GRM5: variants seen among roughly 807,000 people sequenced by gnomAD.
The protein encoded by GRM5 is metabotropic glutamate receptor 5.
A neutral mutation model predicts 83.1 loss-of-function variants in GRM5; 19 were observed. That is an observed-to-expected ratio of 0.23 (90% CI 0.16 to 0.34). GRM5 has a LOEUF of 0.34. Among genes scored for constraint, GRM5 ranks in the 10% least tolerant of loss-of-function variants. The probability of loss-of-function intolerance (pLI) is 1.00; values close to 1 mark genes in which losing one functional copy is unlikely to be tolerated. For missense variants in GRM5, 1,160 were observed against 1,588.3 expected, an observed-to-expected ratio of 0.73 and a Z score of 4.58; for synonymous variants, 675 against 633.6, an observed-to-expected ratio of 1.07 and a Z score of -0.98.
At chr11:88,850,984 C>T (rs1361730432) in intron 2 of GRM5, among the ~76,000 whole-genome samples, 1 of 152,022 alleles carries the variant, frequency 6.6e-6, no homozygotes, top group Non-Finnish European at 1.5e-5. Flanking sequence ...CTATTATGGG[C>T]TCCATTCAAT....
intron 9 of GRM5, among the ~76,000 whole-genome samples, chr11:88,513,741 A>AAAAAG (rs200002888): frequency 0.014 from 2,136 of 152,172 alleles, 42 homozygotes; most frequent in African/African-American, 0.048. Context: ...TTTATTGGAA[A>AAAAAG]AAAAGAAAAG....
At chr11:88,786,670 C>G (rs1012728573) in intron 3 of GRM5, among the ~76,000 whole-genome samples, 1 of 152,160 alleles carries the variant, frequency 6.6e-6, no homozygotes, top group Non-Finnish European at 1.5e-5. Flanking sequence ...ATCATCTTCT[C>G]ATTAAGGACA....
At chr11:88,812,518 T>G (rs957243259) in intron 3 of GRM5, among the ~76,000 whole-genome samples, 8 of 152,202 alleles carry the variant, frequency 5.3e-5, no homozygotes, top group Non-Finnish European at 8.8e-5. Flanking sequence ...ACTTAATTTT[T>G]TTCTAATGCA....
At position 89,060,263 on chromosome 11, in the gene GRM5, A is replaced by G. The variant is rs1941961712; in HGVS notation, c.-201+5513T>C. On this transcript the variant is annotated intron_variant, in intron 1 of 9. Coordinates refer to ENST00000305447, the MANE Select transcript of GRM5 (RefSeq NM_001143831.3). ...TTTTTGCCTTTTACATATATGGTAAATGGTATATATATATATATATATACA... is the reference window on the plus strand; with the variant it reads ...TTTTTGCCTTTTACATATATGGTAAGTGGTATATATATATATATATATACA... Among the ~76,000 whole-genome samples the G allele has an allele frequency of 5.5e-5, 6 of 109,010 alleles. No homozygotes were observed. The Middle Eastern group carries it at 0.013, about 239-fold the overall frequency. The allele number at this position is 109,010 out of a possible 152,430, so 71.5% of individuals were successfully genotyped here. A position where few individuals can be genotyped will look rare whatever the true frequency, so the allele number is the denominator to read the frequency against.
intron 2 of GRM5, among the ~76,000 whole-genome samples, chr11:89,026,014 A>C (rs1180783282): frequency 1.3e-5 from 2 of 152,240 alleles, no homozygotes; most frequent in African/African-American, 4.8e-5. Context: ...AAAAAAAGCA[A>C]AATCATGCTC....
chr11:89,018,878 A>G (rs1940918351), intron 2 of GRM5, among the ~76,000 whole-genome samples: 2 of 152,212 alleles, frequency 1.3e-5, no homozygotes, highest in Admixed American at 1.3e-4. Flanking sequence ...TATACTGCAT[A>G]CCCACATTTT....
chr11:88,730,029 TG>T (rs1941772662), intron 3 of GRM5, among the ~76,000 whole-genome samples: 1 of 151,978 alleles, frequency 6.6e-6, no homozygotes, highest in African/African-American at 2.4e-5. Context: ...AATTGACAAA[TG>T]GGATCTAATT....
rs559635928 is a variant in GRM5 at position 88,880,621 on chromosome 11, C to A, written c.662-30466G>T. Among the ~76,000 whole-genome samples the A allele has an allele frequency of 3.9e-5, 6 of 152,274 alleles. No individual in the cohort carries two copies. In the South Asian group the frequency reaches 1.2e-3, roughly 32 times the overall value. On this transcript the variant is annotated intron_variant, in intron 2 of 9. Coordinates refer to ENST00000305447, the MANE Select transcript of GRM5 (RefSeq NM_001143831.3). ...TCTGAGCAAGAACTTGGTAGGAGGT[C>A]TCCTGACCCTGGTCCATTGTGTTTC...
intron 4 of GRM5, among the ~76,000 whole-genome samples, chr11:88,620,298 T>A (rs1373610876): frequency 6.6e-6 from 1 of 152,222 alleles, no homozygotes; most frequent in Non-Finnish European, 1.5e-5. Flanking sequence ...TCATTTTGCA[T>A]TTGCTAAATG....
intron 5 of GRM5, among the ~76,000 whole-genome samples, chr11:88,601,749 C>T (rs1233046621): frequency 1.3e-5 from 2 of 152,120 alleles, no homozygotes; most frequent in Admixed American, 1.3e-4. Flanking sequence ...GGCAGCCACG[C>T]ATCTTAAACT....
intron 5 of GRM5, among the ~76,000 whole-genome samples, chr11:88,603,230 T>C (rs532176474): frequency 3.3e-5 from 5 of 152,342 alleles, no homozygotes; most frequent in Admixed American, 6.5e-5. Context: ...AGGTTTCCCA[T>C]TGGAATAGAG....
chr11:88,920,640 C>T (rs1945675278), intron 2 of GRM5, among the ~76,000 whole-genome samples: 1 of 152,080 alleles, frequency 6.6e-6, no homozygotes. Context: ...AACAAAAATG[C>T]AGGACAATAT....
intron 9 of GRM5, among the ~76,000 whole-genome samples, chr11:88,511,198 C>T (rs1196859004): frequency 1.3e-5 from 2 of 152,156 alleles, no homozygotes; most frequent in African/African-American, 4.8e-5. Flanking sequence ...GAAACTCTGG[C>T]AGAAAGCCAT....
chr11:88,677,298 T>G (rs747454621), intron 3 of GRM5, among the ~76,000 whole-genome samples: 2 of 152,138 alleles, frequency 1.3e-5, no homozygotes, highest in Non-Finnish European at 2.9e-5. Context: ...AATTCATATT[T>G]TAACTCTAGA....
chr11:89,064,927 AGAGAGAGAGAGAGG>A (rs1267574223), intron 1 of GRM5, among the ~76,000 whole-genome samples: 1,383 of 74,354 alleles, frequency 0.019, 31 homozygotes, highest in African/African-American at 0.027. Flanking sequence ...AGAGAGAGAG[AGAGAGAGAGAGAGG>A]GAGAGAGAGA....
intron 3 of GRM5, among the ~76,000 whole-genome samples, chr11:88,818,186 T>A (rs1943724041): frequency 6.6e-6 from 1 of 152,100 alleles, no homozygotes; most frequent in African/African-American, 2.4e-5. Context: ...AAGCTTGATT[T>A]TTATAATGCC....
At chr11:88,818,359 TA>T (rs1943726811) in intron 3 of GRM5, among the ~76,000 whole-genome samples, 3 of 152,066 alleles carry the variant, frequency 2.0e-5, no homozygotes, top group Non-Finnish European at 4.4e-5. Context: ...TGTACAAAAG[TA>T]TTACCCAACC....
intron 3 of GRM5, among the ~76,000 whole-genome samples, chr11:88,726,605 G>A (rs2135401638): frequency 6.6e-6 from 1 of 152,270 alleles, no homozygotes; most frequent in South Asian, 2.1e-4. Context: ...CACCAATGTT[G>A]AAATGAAGGA....
At chr11:88,921,660 TAAC>T (rs1178619421) in intron 2 of GRM5, among the ~76,000 whole-genome samples, 2 of 151,650 alleles carry the variant, frequency 1.3e-5, no homozygotes, top group East Asian at 3.9e-4. Context: ...AGAAGGAACA[TAAC>T]AACAACTGAA....
Sources: allele counts gnomAD v4.1 joint callset (sites outside exome capture counted in the v4.1 genomes callset), GRCh38; gene constraint gnomAD v4.1.1; transcripts MANE v1.5; gene names NCBI Gene and HGNC (gene_info 2026-07-23, HGNC 2026-07-21).